The following AATF variants were observed in gnomAD, a reference collection of about 807,000 sequenced individuals.
The protein encoded by AATF is protein AATF.
AATF carries 48 observed loss-of-function variants against 63.7 expected under a neutral mutation model. The ratio of observed to expected loss-of-function variants is 0.75; its 90% CI spans 0.60 to 0.96. The LOEUF is 0.96. Among genes scored for constraint, AATF ranks in the 40% least tolerant of loss-of-function variants. AATF has a pLI of 0.00. For missense variants in AATF, 639 were observed against 685.7 expected, an observed-to-expected ratio of 0.93 and a Z score of 0.76; for synonymous variants, 258 against 247.7, an observed-to-expected ratio of 1.04 and a Z score of -0.39.
At chr17:36,968,266 C>CTT (rs2071009164) in intron 4 of AATF, among the ~76,000 whole-genome samples, 107 of 75,558 alleles carry the variant, frequency 1.4e-3, no homozygotes, top group African/African-American at 4.8e-3. Context: ...TTCTTTCCTT[C>CTT]TTTCTTTTTT....
intron 4 of AATF, among the ~76,000 whole-genome samples, chr17:36,968,821 T>C (rs898099520): frequency 6.6e-6 from 1 of 152,086 alleles, no homozygotes; most frequent in African/African-American, 2.4e-5. Context: ...GGTCTTGCTG[T>C]GTTGCCCAGG....
intron 8 of AATF, among the ~76,000 whole-genome samples, chr17:36,991,367 G>C (rs1246898504): frequency 6.6e-6 from 1 of 152,136 alleles, no homozygotes; most frequent in Non-Finnish European, 1.5e-5. Flanking sequence ...TATAATAAGA[G>C]CATAGTGCTT....
rs1261095540 is a variant in AATF, at chr17:37,019,089, T to G, written c.1466+17T>G. On this transcript the variant is annotated intron_variant, in intron 9 of 11. Coordinates refer to ENST00000619387, the MANE Select transcript of AATF (RefSeq NM_012138.4). ...CATGGGAAGGTAATTTAGATACAGC[T>G]TTCTGTTCATGCAAGCAGCCTATGT... 1 of 1,610,172 alleles carries G rather than the reference T, an allele frequency of 6.2e-7. No individual in the cohort carries two copies. Among genetic ancestry groups the G allele is most frequent in the South Asian group, 1.1e-5 (1 of 90,998 alleles).
intron 4 of AATF, among the ~76,000 whole-genome samples, chr17:36,986,294 T>A (rs1356812185): frequency 6.6e-6 from 1 of 152,178 alleles, no homozygotes; most frequent in Non-Finnish European, 1.5e-5. Context: ...AATTAATGGT[T>A]ATAATGAGAG....
intron 8 of AATF, among the ~76,000 whole-genome samples, chr17:36,992,394 G>A (rs1433933471): frequency 6.6e-6 from 1 of 152,070 alleles, no homozygotes. Context: ...GAAGAGTAAG[G>A]AACTCTATTT....
At chr17:36,970,588 G>A (rs1456448971) in intron 4 of AATF, among the ~76,000 whole-genome samples, 1 of 149,708 alleles carries the variant, frequency 6.7e-6, no homozygotes, top group African/African-American at 2.5e-5. Flanking sequence ...TTTTGTGGAG[G>A]CTGAAATGCA....
chr17:36,965,303 G>A (rs939199661), intron 4 of AATF, among the ~76,000 whole-genome samples: 6 of 152,018 alleles, frequency 3.9e-5, no homozygotes, highest in Non-Finnish European at 5.9e-5. Context: ...TTTTATAGGC[G>A]GCCACATTCT....
intron 11 of AATF, among the ~76,000 whole-genome samples, chr17:37,035,279 C>T (rs1386276391): frequency 6.6e-6 from 1 of 151,386 alleles, no homozygotes; most frequent in Non-Finnish European, 1.5e-5. Context: ...AGAGCCATGG[C>T]ACTATTTGGG....
At position 37,019,243 on chromosome 17, in the gene AATF, G is replaced by A. The variant is rs550456616; in HGVS notation, c.1466+171G>A. 2.8e-4 allele frequency among the ~76,000 whole-genome samples: 43 copies of A among 152,338 alleles called. 1 individual carries two copies. The South Asian group carries it at 8.7e-3, about 31-fold the overall frequency. The stretch of plus-strand genomic sequence containing the variant: ...AATTGTTTACCCTACATTGCCTAAA[G>A]TGCAATTTGTAAAGAAATTATAAAA... On this transcript the variant is annotated intron_variant, in intron 9 of 11. Coordinates refer to ENST00000619387, the MANE Select transcript of AATF (RefSeq NM_012138.4).
intron 10 of AATF, among the ~76,000 whole-genome samples, chr17:37,031,060 A>C (rs1429510362): frequency 6.6e-6 from 1 of 152,212 alleles, no homozygotes; most frequent in Non-Finnish European, 1.5e-5. Context: ...TACTGTTATC[A>C]GACTTTTCTC....
chr17:36,976,725 G>C (rs79956586), intron 4 of AATF, among the ~76,000 whole-genome samples: 1 of 152,096 alleles, frequency 6.6e-6, no homozygotes, highest in Non-Finnish European at 1.5e-5. Context: ...GTGTTTTTAC[G>C]TAAACACAAC....
rs140352172 is a variant in AATF, at chr17:36,959,312, G to C, written c.832+5405G>C. Among the ~76,000 whole-genome samples, 23 of 152,216 alleles carry C rather than the reference G, an allele frequency of 1.5e-4. No individual in the cohort carries two copies. In the East Asian group the frequency reaches 3.9e-3, roughly 26 times the overall value. On this transcript the variant is annotated intron_variant, in intron 4 of 11. Transcript: ENST00000619387. ...ACAAAAATTAGCCAGGCATGATGGT[G>C]GGTTCCTGTAATCCCATCTACTCAG...
intron 11 of AATF, among the ~76,000 whole-genome samples, chr17:37,032,090 T>C (rs966891537): frequency 3.3e-5 from 5 of 152,176 alleles, no homozygotes; most frequent in African/African-American, 1.2e-4. Context: ...TGAGTGTTTT[T>C]ACAAAAGATG....
chr17:36,967,690 G>GA (rs2071002122), intron 4 of AATF, among the ~76,000 whole-genome samples: 1 of 152,138 alleles, frequency 6.6e-6, no homozygotes, highest in African/African-American at 2.4e-5. Flanking sequence ...AGCTTGCTGA[G>GA]AAGGGGTGTG....
intron 8 of AATF, among the ~76,000 whole-genome samples, chr17:36,997,848 G>T (rs2071266073): frequency 6.6e-6 from 1 of 152,166 alleles, no homozygotes; most frequent in South Asian, 2.1e-4. Context: ...TCAACGAGTG[G>T]ATAAAGAAAC....
intron 8 of AATF, among the ~76,000 whole-genome samples, chr17:37,007,844 G>T (rs1452600632): frequency 6.6e-6 from 1 of 152,122 alleles, no homozygotes; most frequent in East Asian, 1.9e-4. Flanking sequence ...GGGTATTGTG[G>T]GGGAGCTGAA....
At position 36,949,044 on chromosome 17, in the gene AATF, C is replaced by A; in HGVS notation, c.-82C>A. The A allele has an allele frequency of 4.0e-6, 5 of 1,252,512 alleles. No homozygotes were observed. Among genetic ancestry groups the A allele is most frequent in the Non-Finnish European group, 4.5e-6 (4 of 893,274 alleles). 77.6% of individuals were successfully genotyped at this position (1,252,512 alleles called of 1,614,324 possible). ...GGGAATCGGATCAAGGCGAGAGGAT[C>A]CGGCAGGGAAGGAGCTTCGGGGCCG... On this transcript the variant is annotated 5_prime_UTR_variant, in exon 1 of 12. Transcript: ENST00000619387.
rs563707693 is a variant in AATF, at chr17:37,024,950, C to A, written c.1547+3936C>A. ...CTCCAGCCTGAGTCACAGAGCGAGACCCTGTCTCAAAAAAAAAAAGATAAT... is the reference window on the plus strand; with the variant it reads ...CTCCAGCCTGAGTCACAGAGCGAGAACCTGTCTCAAAAAAAAAAAGATAAT... On this transcript the variant is annotated intron_variant, in intron 10 of 11. Transcript: ENST00000619387. Among the ~76,000 whole-genome samples the A allele has an allele frequency of 2.0e-5, 3 of 151,704 alleles. No homozygotes were observed. The South Asian group carries it at 6.3e-4, about 32-fold the overall frequency.
At chr17:37,005,226 T>A (rs2071333011) in intron 8 of AATF, among the ~76,000 whole-genome samples, 1 of 152,216 alleles carries the variant, frequency 6.6e-6, no homozygotes, top group African/African-American at 2.4e-5. Flanking sequence ...CCAAGATACA[T>A]CTATCCCTAA....
Sources: allele counts gnomAD v4.1 joint callset (sites outside exome capture counted in the v4.1 genomes callset), GRCh38; gene constraint gnomAD v4.1.1; transcripts MANE v1.5; gene names NCBI Gene and HGNC (gene_info 2026-07-23, HGNC 2026-07-21).